Variants in GLMN observed in about 807,000 individuals in gnomAD.
GLMN encodes glomulin, FKBP associated protein.
GLMN carries 75 observed loss-of-function variants against 87.8 expected under a neutral mutation model. That is an observed-to-expected ratio of 0.85 (90% CI 0.71 to 1.04). The LOEUF is 1.04. Ranked by LOEUF, GLMN falls within the 50% of genes least tolerant of loss-of-function variation. The pLI is 0.00. For missense variants in GLMN, 588 were observed against 658.8 expected (o/e 0.89, Z 1.18); for synonymous variants, 206 against 221.6 (o/e 0.93, Z 0.63).
intron 7 of GLMN, among the ~76,000 whole-genome samples, chr1:92,279,538 G>A (rs1045830132): frequency 2.0e-5 from 3 of 150,998 alleles, no homozygotes; most frequent in Admixed American, 6.6e-5. Flanking sequence ...CAGCGAGATC[G>A]ACGCAGAAGA....
chr1:92,254,397 A>T (rs1038644481), intron 16 of GLMN, among the ~76,000 whole-genome samples: 19 of 152,348 alleles, frequency 1.2e-4, no homozygotes, highest in African/African-American at 4.3e-4. Context: ...GCCAACAGTC[A>T]AATTCAGAAA....
chr1:92,323,340 A>T, the GLMN span: 2 of 694,116 alleles, frequency 2.9e-6, no homozygotes, highest in Non-Finnish European at 4.4e-6. Context: ...TTCTACCTTG[A>T]AAGTTACAAT....
intron 1 of GLMN, among the ~76,000 whole-genome samples, chr1:92,298,525 G>T (rs1251343757): frequency 1.3e-5 from 2 of 152,094 alleles, no homozygotes; most frequent in African/African-American, 2.4e-5. Context: ...TATCTATAGG[G>T]GGTGAAGATT....
intron 7 of GLMN, among the ~76,000 whole-genome samples, chr1:92,284,208 T>C (rs1462398550): frequency 1.3e-5 from 2 of 152,204 alleles, no homozygotes; most frequent in East Asian, 3.8e-4. Context: ...TCAAGCTACC[T>C]GACTTCAAAC....
chr1:92,253,398 G>A (rs1653794464), intron 16 of GLMN, among the ~76,000 whole-genome samples: 3 of 152,342 alleles, frequency 2.0e-5, no homozygotes, highest in South Asian at 2.1e-4. Context: ...AGATCTCTCA[G>A]CACAGCGCTT....
the GLMN span, among the ~76,000 whole-genome samples, chr1:92,329,596 C>G: frequency 6.6e-6 from 1 of 152,178 alleles, no homozygotes; most frequent in Non-Finnish European, 1.5e-5. Flanking sequence ...GTTCTTGGAG[C>G]AAAAGTTCAT....
chr1:92,262,954 C>T (rs201403635), intron 15 of GLMN, 28 bp from the exon 16 acceptor site: 2 of 891,430 alleles, frequency 2.2e-6, no homozygotes, highest in Non-Finnish European at 3.8e-6. Flanking sequence ...ATGTTACTTA[C>T]AGTATGGTTT....
intron 13 of GLMN, 83 bp from the exon 14 acceptor site, chr1:92,264,721 A>G (rs1476770995): frequency 1.3e-6 from 1 of 797,634 alleles, no homozygotes; most frequent in Non-Finnish European, 2.2e-6. Flanking sequence ...ACAAATTCAA[A>G]GAGGCCATGT....
the GLMN span, among the ~76,000 whole-genome samples, chr1:92,344,175 C>T: frequency 2.0e-5 from 3 of 152,018 alleles, no homozygotes; most frequent in Admixed American, 2.0e-4. Flanking sequence ...TTTGGGAGGC[C>T]GAGGCGGGTG....
At chr1:92,287,628 C>A (rs983085891) in intron 6 of GLMN, among the ~76,000 whole-genome samples, 1 of 152,156 alleles carries the variant, frequency 6.6e-6, no homozygotes, top group Admixed American at 6.5e-5. Flanking sequence ...GTGCGAGCCA[C>A]CACGTCTGGC....
At chr1:92,365,256 G>A in the GLMN span, among the ~76,000 whole-genome samples, 1 of 151,952 alleles carries the variant, frequency 6.6e-6, no homozygotes, top group African/African-American at 2.4e-5. Flanking sequence ...TTTACTATCC[G>A]ATTTCTTCCA....
the GLMN span, among the ~76,000 whole-genome samples, chr1:92,319,124 A>G: frequency 1.3e-5 from 2 of 152,210 alleles, no homozygotes; most frequent in Non-Finnish European, 2.9e-5. Context: ...ATGCCTTTAT[A>G]TACAGACTGT....
At chr1:92,354,681 A>G in the GLMN span, among the ~76,000 whole-genome samples, 1 of 152,086 alleles carries the variant, frequency 6.6e-6, no homozygotes, top group Admixed American at 6.6e-5. Context: ...TCTTATAATC[A>G]AAGTTTTTAT....
chr1:92,300,313 T>A (rs1650729171), upstream of GLMN: 1 of 1,183,104 alleles, frequency 8.5e-7, no homozygotes, highest in Non-Finnish European at 1.2e-6. Flanking sequence ...TTTAAAACAA[T>A]AATGGTTACC....
chr1:92,305,132 C>G, the GLMN span, among the ~76,000 whole-genome samples: 1 of 150,384 alleles, frequency 6.6e-6, no homozygotes, highest in Non-Finnish European at 1.5e-5. Flanking sequence ...AAGACACTGT[C>G]TTCAAAAAAA....
At chr1:92,309,420 G>A in the GLMN span, among the ~76,000 whole-genome samples, 1 of 138,102 alleles carries the variant, frequency 7.2e-6, no homozygotes, top group Non-Finnish European at 1.5e-5. Context: ...CCAGCCTGGT[G>A]ACAGAGCAAG....
chr1:92,260,550 C>T (rs1262469021), intron 16 of GLMN, among the ~76,000 whole-genome samples: 5 of 151,370 alleles, frequency 3.3e-5, no homozygotes, highest in African/African-American at 9.7e-5. Flanking sequence ...AGGAGGTGGA[C>T]GATGCAGTGA....
the GLMN span, among the ~76,000 whole-genome samples, chr1:92,365,330 T>C: frequency 5.3e-4 from 80 of 152,342 alleles, no homozygotes; most frequent in African/African-American, 1.9e-3. Flanking sequence ...TTCAGAACTT[T>C]AACACAGCTT....
chr1:92,330,314 A>T, the GLMN span, among the ~76,000 whole-genome samples: 2 of 152,154 alleles, frequency 1.3e-5, no homozygotes, highest in African/African-American at 4.8e-5. Context: ...CATTTGGTAA[A>T]ACAAGTTGGG....
Sources: gnomAD v4.1 joint callset for allele counts (sites outside exome capture counted in the v4.1 genomes callset) on GRCh38, gnomAD v4.1.1 for gene constraint, MANE v1.5 for transcripts, NCBI Gene and HGNC (gene_info 2026-07-23, HGNC 2026-07-21) for gene names.